Variants in ELP3 observed in about 807,000 individuals in gnomAD.
ELP3 encodes elongator acetyltransferase complex subunit 3, also known as elongator complex protein 3.
ELP3 carries 56 observed loss-of-function variants against 74.9 expected under a neutral mutation model. The ratio of observed to expected loss-of-function variants is 0.75; its 90% CI spans 0.60 to 0.93. The LOEUF (loss-of-function observed/expected upper bound fraction) is 0.93. ELP3 is among the 40% of genes least tolerant of loss of function. ELP3 has a pLI of 0.00. For missense variants in ELP3, 573 were observed against 686.5 expected (o/e 0.83, Z 1.85); for synonymous variants, 222 against 239.8 (o/e 0.93, Z 0.68).
chr8:28,178,194 C>T (rs979780363), intron 14 of ELP3, among the ~76,000 whole-genome samples: 7 of 152,178 alleles, frequency 4.6e-5, no homozygotes, highest in Admixed American at 1.3e-4. Flanking sequence ...CTAGAGGCCT[C>T]GTGACCTAAT....
intron 7 of ELP3, among the ~76,000 whole-genome samples, chr8:28,124,929 C>T (rs1812514461): frequency 6.6e-6 from 1 of 152,080 alleles, no homozygotes; most frequent in African/African-American, 2.4e-5. Context: ...CCACCAATAT[C>T]GAGGAAGCAG....
At chr8:28,121,324 A>ATTTT (rs1179833962) in intron 7 of ELP3, among the ~76,000 whole-genome samples, 9 of 137,292 alleles carry the variant, frequency 6.6e-5, no homozygotes, top group African/African-American at 2.4e-4. Context: ...TATTATTATT[A>ATTTT]TTTTTTTTTT....
intron 14 of ELP3, among the ~76,000 whole-genome samples, chr8:28,166,604 G>C (rs962716297): frequency 6.6e-6 from 1 of 152,132 alleles, no homozygotes; most frequent in Admixed American, 6.5e-5. Flanking sequence ...ATGTTAACAT[G>C]AGCAGTTTTT....
intron 7 of ELP3, among the ~76,000 whole-genome samples, chr8:28,120,415 T>A (rs1460734310): frequency 6.6e-6 from 1 of 152,218 alleles, no homozygotes; most frequent in Non-Finnish European, 1.5e-5. Context: ...CTTTTGCCCA[T>A]TTTTGATTAG....
chr8:28,152,119 A>C lies in ELP3; in HGVS notation c.1101-3823A>C, dbSNP rs534229488. ...GTTCTGGGAAGCCACAACTCCCTCT[A>C]TTTGCCTCTCTGTCTCTCCAGCCCC... On this transcript the variant is annotated intron_variant, in intron 10 of 14. Transcript: ENST00000256398. Among the ~76,000 whole-genome samples, 8 of 151,906 alleles carry C rather than the reference A, an allele frequency of 5.3e-5. No individual in the cohort carries two copies. In the East Asian group the frequency reaches 1.2e-3, roughly 22 times the overall value.
intron 7 of ELP3, among the ~76,000 whole-genome samples, chr8:28,116,780 G>C (rs1812156137): frequency 6.6e-6 from 1 of 152,130 alleles, no homozygotes; most frequent in Non-Finnish European, 1.5e-5. Flanking sequence ...ATTAATATGA[G>C]TCATACTTAG....
chr8:28,158,609 T>A lies in ELP3; in HGVS notation c.1233T>A (p.Ile411=). Residue 411 remains isoleucine (I), a synonymous_variant, in exon 12 of 15, where the codon ATT becomes ATA. Transcript: ENST00000256398. ...CCAGAGAAGTTGGAATCCAAGAAAT[T>A]CATCACAAAGTACGGCCATACCAGG... is the stretch of plus-strand genomic sequence containing the variant. The part of the protein sequence containing the change: ...VRTREVGIQE[I]HHKVRPYQVE... 1 of 1,613,196 alleles carries A rather than the reference T, an allele frequency of 6.2e-7. No individual in the cohort carries two copies. Among genetic ancestry groups the A allele is most frequent in the Non-Finnish European group, 8.5e-7 (1 of 1,179,766 alleles).
chr8:28,141,095 A>G (rs774826915), intron 10 of ELP3, among the ~76,000 whole-genome samples: 3 of 152,228 alleles, frequency 2.0e-5, no homozygotes, highest in Non-Finnish European at 4.4e-5. Context: ...TAACAGAACT[A>G]GAACCAACTA....
intron 10 of ELP3, among the ~76,000 whole-genome samples, chr8:28,140,154 G>GTGTT (rs1418094268): frequency 5.1e-5 from 7 of 136,548 alleles, no homozygotes; most frequent in Non-Finnish European, 1.1e-4. Context: ...GTGTGTGTGT[G>GTGTT]TTTTATAGCA....
At chr8:28,182,556 C>T (rs1318951363) in intron 14 of ELP3, among the ~76,000 whole-genome samples, 3 of 152,042 alleles carry the variant, frequency 2.0e-5, no homozygotes, top group South Asian at 2.1e-4. Context: ...AGAGAGACTT[C>T]GTCTCAAAAA....
rs979544000 is a variant in ELP3, at chr8:28,137,690, A to G, written c.907-8A>G. ...ATGGAGAAGTCATTTTCTGTTCTCT[A>G]TTCACAGGAGTTTTTTGAGAACCCT... On this transcript the variant is annotated splice_polypyrimidine_tract_variant and splice_region_variant and intron_variant, in intron 9 of 14. Transcript: ENST00000256398. 1.2e-6 allele frequency: 2 copies of G among 1,612,036 alleles called. No homozygotes were observed. Among genetic ancestry groups the G allele is most frequent in the East Asian group, 2.2e-5 (1 of 44,850 alleles).
intron 14 of ELP3, among the ~76,000 whole-genome samples, chr8:28,186,209 G>A (rs1815235413): frequency 6.6e-6 from 1 of 152,106 alleles, no homozygotes; most frequent in Admixed American, 6.5e-5. Context: ...GTGTTTAGTG[G>A]GTACAGAGTT....
In ELP3 at chr8:28,114,024, G is replaced by C. The variant is rs192565573; in HGVS notation, c.617+851G>C. Among the ~76,000 whole-genome samples, 142 of 152,190 alleles carry C rather than the reference G, an allele frequency of 9.3e-4. 1 individual carries two copies. The highest frequency in any genetic ancestry group is 2.2e-3 in the African/African-American group (93 of 41,512). On this transcript the variant is annotated intron_variant, in intron 7 of 14. Transcript: ENST00000256398. ...TTAGCAAGAAGAATACTACAGGTTA[G>C]TATGTAGTTCAGTGATTTAAGAAGT... is the stretch of plus-strand genomic sequence containing the variant.
chr8:28,173,807 T>A (rs1004454424), intron 14 of ELP3, among the ~76,000 whole-genome samples: 7 of 152,044 alleles, frequency 4.6e-5, no homozygotes, highest in African/African-American at 9.7e-5. Context: ...TTGCATTTTG[T>A]CTTTCATTTG....
chr8:28,139,817 T>C (rs1585696985), intron 10 of ELP3, among the ~76,000 whole-genome samples: 2 of 152,102 alleles, frequency 1.3e-5, no homozygotes, highest in Admixed American at 1.3e-4. Context: ...TGGTGGCAGG[T>C]GCCTGTAATC....
Position 28,189,852 on chromosome 8 carries a change from C to T in ELP3, c.*127C>T, listed in dbSNP as rs998652853. ...GGGCTTCACCCTCATCCCGCAGCTG[C>T]AGAGACTGGAAACTGCCTTCAAGGC... On this transcript the variant is annotated 3_prime_UTR_variant, in exon 15 of 15. Coordinates refer to ENST00000256398, the MANE Select transcript of ELP3 (RefSeq NM_018091.6). 17 of 1,032,180 alleles carry T rather than the reference C, an allele frequency of 1.6e-5. No individual in the cohort carries two copies. The South Asian group carries it at 1.7e-4, about 10-fold the overall frequency. The allele number at this position is 1,032,180 out of a possible 1,614,324, so 63.9% of individuals were successfully genotyped here. A position where few individuals can be genotyped will look rare whatever the true frequency, so the allele number is the denominator to read the frequency against.
At chr8:28,119,512 G>C (rs1585664047) in intron 7 of ELP3, among the ~76,000 whole-genome samples, 1 of 142,064 alleles carries the variant, frequency 7.0e-6, no homozygotes. Flanking sequence ...AGTGTTCACT[G>C]TCTGCAGTGT....
At chr8:28,181,728 C>T (rs562169902) in intron 14 of ELP3, among the ~76,000 whole-genome samples, 12 of 152,326 alleles carry the variant, frequency 7.9e-5, no homozygotes, top group South Asian at 4.1e-4. Context: ...GCATTAGAAA[C>T]GCTCTGGGCC....
At chr8:28,149,688 CTTA>C (rs1221160080) in intron 10 of ELP3, among the ~76,000 whole-genome samples, 1 of 152,056 alleles carries the variant, frequency 6.6e-6, no homozygotes, top group Non-Finnish European at 1.5e-5. Context: ...CACTCTAATT[CTTA>C]TTATTTATGT....
Sources: allele counts gnomAD v4.1 joint callset (sites outside exome capture counted in the v4.1 genomes callset), GRCh38; gene constraint gnomAD v4.1.1; transcripts MANE v1.5; gene names NCBI Gene and HGNC (gene_info 2026-07-23, HGNC 2026-07-21).